ISLR2: variants seen among roughly 807,000 people sequenced by gnomAD.
ISLR2 encodes immunoglobulin superfamily containing leucine rich repeat 2.
ISLR2 carries 16 observed loss-of-function variants against 25.5 expected under a neutral mutation model. The ratio of observed to expected loss-of-function variants is 0.63; its 90% CI spans 0.43 to 0.95. The LOEUF is 0.95. Among genes scored for constraint, ISLR2 ranks in the 40% least tolerant of loss-of-function variants. The pLI is 0.00. For synonymous variants in ISLR2, 508 were observed against 486.6 expected (o/e 1.04, Z -0.58); for missense variants, 883 against 1,030.7 (o/e 0.86, Z 1.96).
downstream of ISLR2, among the ~76,000 whole-genome samples, chr15:74,140,093 C>G (rs2072603671): frequency 6.6e-6 from 1 of 152,036 alleles, no homozygotes; most frequent in Non-Finnish European, 1.5e-5. Context: ...TGCCTCCTCC[C>G]CCTAAATGTT....
chr15:74,136,656 G>T lies in ISLR2; in HGVS notation c.*1664G>T. 6.1e-6 allele frequency: 1 copy of T among 164,976 alleles called. No homozygotes were observed. The allele number at this position is 164,976 out of a possible 1,614,324, so 10.2% of individuals were successfully genotyped here. A position where few individuals can be genotyped will look rare whatever the true frequency, so the allele number is the denominator to read the frequency against. ...TTTCCATTTTGAAAGAAAGCGTCGG[G>T]GTTGGGGTGGGGGGAGTTTCAGTCC... On this transcript the variant is annotated 3_prime_UTR_variant, in exon 3 of 3. Transcript: ENST00000453268.
upstream of ISLR2, chr15:74,129,107 G>A (rs896297067): frequency 1.1e-4 from 51 of 455,358 alleles, no homozygotes; most frequent in Admixed American, 1.0e-3. The surrounding 1 kb of genome is among the most constrained non-coding windows in gnomAD (Gnocchi z 4.5). Context: ...GGCGGGGGGG[G>A]ACTCCAGGCC....
chr15:74,128,240 T>G (rs951508364), upstream of ISLR2: 99 of 327,380 alleles, frequency 3.0e-4, 2 homozygotes, highest in Admixed American at 1.4e-4. Context: ...CGGCGGACTC[T>G]GCCTGGGGCG....
chr15:74,125,066 C>T (rs772882079), upstream of ISLR2, among the ~76,000 whole-genome samples: 18 of 152,198 alleles, frequency 1.2e-4, no homozygotes, highest in Non-Finnish European at 2.1e-4. Context: ...ACTCCCCTGC[C>T]TCACCCGGCC....
intron 2 of ISLR2, among the ~76,000 whole-genome samples, chr15:74,119,981 C>A (rs1412799205): frequency 6.6e-6 from 1 of 152,166 alleles, no homozygotes; most frequent in Admixed American, 6.5e-5. Context: ...CCTCCCAGGG[C>A]TCGGCCTTGG....
chr15:74,113,490 T>C (rs1422865811), intron 2 of ISLR2, among the ~76,000 whole-genome samples: 2 of 152,214 alleles, frequency 1.3e-5, no homozygotes, highest in Non-Finnish European at 2.9e-5. Context: ...AATTTTAGGA[T>C]ATATTTTCTC....
intron 2 of ISLR2, among the ~76,000 whole-genome samples, chr15:74,108,083 C>T (rs368856769): frequency 6.8e-4 from 104 of 152,282 alleles, no homozygotes; most frequent in Middle Eastern, 3.4e-3. Flanking sequence ...GTCCAGGTTT[C>T]ACTGATGAGG....
In ISLR2 at chr15:74,136,546, T is replaced by C. The variant is rs2072569023; in HGVS notation, c.*1554T>C. On this transcript the variant is annotated 3_prime_UTR_variant, in exon 3 of 3. Coordinates refer to ENST00000453268, the MANE Select transcript of ISLR2 (RefSeq NM_020851.3). Reference sequence around the variant, plus strand: ...TGTCCTGTGAAGTGTGACCGTGTAGTGTAGGGGGGCGGGCGGGGGGGCGGA... The same window carrying C: ...TGTCCTGTGAAGTGTGACCGTGTAGCGTAGGGGGGCGGGCGGGGGGGCGGA... 1.5e-5 allele frequency: 1 copy of C among 65,014 alleles called. No individual in the cohort carries two copies. The highest frequency in any genetic ancestry group is 3.5e-5 in the Non-Finnish European group (1 of 28,464). 4.0% of individuals were successfully genotyped at this position (65,014 alleles called of 1,614,324 possible). A position where few individuals can be genotyped will look rare whatever the true frequency, so the allele number is the denominator to read the frequency against.
intron 2 of ISLR2, among the ~76,000 whole-genome samples, chr15:74,107,734 G>T (rs1209390948): frequency 6.6e-6 from 1 of 152,188 alleles, no homozygotes; most frequent in African/African-American, 2.4e-5. Context: ...CCTTTTCAGA[G>T]CTATCGTCCC....
chr15:74,141,025 G>A (rs753874475), downstream of ISLR2, among the ~76,000 whole-genome samples: 119 of 152,292 alleles, frequency 7.8e-4, no homozygotes, highest in Non-Finnish European at 1.6e-3. Flanking sequence ...GCCCCATGAT[G>A]GGCACAAAAA....
Position 74,135,035 on chromosome 15 carries a change from G to A in ISLR2, c.*43G>A. On this transcript the variant is annotated 3_prime_UTR_variant, in exon 3 of 3. Coordinates refer to ENST00000453268, the MANE Select transcript of ISLR2 (RefSeq NM_020851.3). ...CCGCCCATTCCCGACCTCCACCTAG[G>A]GTGCCTGGGAGCAGCAGTCTAGGGC... 8 of 1,588,562 alleles carry A rather than the reference G, an allele frequency of 5.0e-6. No homozygotes were observed. The highest frequency in any genetic ancestry group is 6.9e-6 in the Non-Finnish European group (8 of 1,166,104).
intron 1 of ISLR2, 131 bp downstream of exon 1, chr15:74,130,752 A>G (rs763478789): frequency 1.3e-5 from 2 of 152,060 alleles, no homozygotes; most frequent in Non-Finnish European, 2.9e-5. Context: ...TTACCTGACC[A>G]TGGATGATTG....
upstream of ISLR2, chr15:74,130,335 T>C (rs1435413087): frequency 6.6e-6 from 1 of 151,446 alleles, no homozygotes; most frequent in African/African-American, 2.4e-5. Context: ...GAACGTGGCT[T>C]CGGGGAGGAG....
chr15:74,109,359 C>T (rs3852631), intron 2 of ISLR2, among the ~76,000 whole-genome samples: 8,902 of 149,214 alleles, frequency 0.06, 487 homozygotes, highest in African/African-American at 0.17. Flanking sequence ...GCCTGGATTT[C>T]CTCAGTCCGG....
chr15:74,123,819 T>C (rs1360060533), upstream of ISLR2, among the ~76,000 whole-genome samples: 2 of 152,082 alleles, frequency 1.3e-5, no homozygotes, highest in Non-Finnish European at 2.9e-5. Flanking sequence ...AGCACAGGCA[T>C]TTCCAAGAAC....
At position 74,134,784 on chromosome 15, in the gene ISLR2, TTGA is replaced by T. The variant is rs2072531907; in HGVS notation, c.2034_2036del (p.Asp678del). The T allele has an allele frequency of 6.2e-7, 1 of 1,613,714 alleles. No homozygotes were observed. Among genetic ancestry groups the T allele is most frequent in the South Asian group, 1.1e-5 (1 of 91,058 alleles). ...CCAGAGGACGTGCAGGGGGAGGGCC[TTGA>T]TGAAGACGCGGAGCAGGGAGACCCA... On this transcript the variant is annotated inframe_deletion, in exon 3 of 3. Coordinates refer to ENST00000453268, the MANE Select transcript of ISLR2 (RefSeq NM_020851.3).
chr15:74,134,221 C>T lies in ISLR2; in HGVS notation c.1467C>T (p.Ile489=). 2 of 1,604,834 alleles carry T rather than the reference C, an allele frequency of 1.2e-6. No individual in the cohort carries two copies. The highest frequency in any genetic ancestry group is 1.7e-5 in the Admixed American group (1 of 58,912). Residue 489 remains isoleucine (I), a synonymous_variant, in exon 3 of 3, where the codon ATC becomes ATT. Transcript: ENST00000453268. ...CGCACGTCTTCGAGCTGGGCGTCAT[C>T]GCGCTGGATGTGGCGGAGCGCGAGG... The part of the protein sequence containing the change: ...LKPHVFELGV[I]ALDVAEREAR...
downstream of ISLR2, among the ~76,000 whole-genome samples, chr15:74,140,185 T>C (rs2072604253): frequency 1.3e-5 from 2 of 151,868 alleles, no homozygotes; most frequent in Non-Finnish European, 2.9e-5. Context: ...AGGCAGGGCT[T>C]CTTTGAGAAA....
intron 1 of ISLR2, among the ~76,000 whole-genome samples, chr15:74,101,105 GACCCCAGAGATACCAAAA>G (rs1253293140): frequency 2.9e-4 from 12 of 40,882 alleles, no homozygotes; most frequent in Non-Finnish European, 5.4e-5. Context: ...CTGGTTCCAG[GACCCCAGAGATACCAAAA>G]TTCACAGATG....
Sources: allele counts gnomAD v4.1 joint callset (sites outside exome capture counted in the v4.1 genomes callset), GRCh38; gene constraint gnomAD v4.1.1; non-coding constraint Gnocchi (gnomAD v3.1); transcripts MANE v1.5; gene names NCBI Gene and HGNC (gene_info 2026-07-23, HGNC 2026-07-21).